The following LRBA variants were observed in gnomAD, a reference collection of about 807,000 sequenced individuals.
LRBA encodes LPS responsive beige-like anchor protein.
LRBA carries 176 observed loss-of-function variants against 330.0 expected under a neutral mutation model. That is an observed-to-expected ratio of 0.53 (90% confidence interval 0.47 to 0.60). The LOEUF (loss-of-function observed/expected upper bound fraction) is 0.60, where lower values mean the gene tolerates loss of function less well. LRBA is among the 20% of genes least tolerant of loss of function. The probability of loss-of-function intolerance (pLI) is 0.00; values close to 1 mark genes in which losing one functional copy is unlikely to be tolerated. For synonymous variants in LRBA, 1,230 were observed against 1,193.0 expected, an observed-to-expected ratio of 1.03 and a Z score of -0.64; for missense variants, 3,259 against 3,444.8, an observed-to-expected ratio of 0.95 and a Z score of 1.35.
intron 40 of LRBA, among the ~76,000 whole-genome samples, chr4:150,547,250 T>G (rs1170787428): frequency 6.6e-6 from 1 of 152,124 alleles, no homozygotes. Context: ...ACAGATTAAC[T>G]TTTCCATCCC....
At chr4:150,354,302 T>A (rs562157355) in intron 47 of LRBA, among the ~76,000 whole-genome samples, 82 of 152,176 alleles carry the variant, frequency 5.4e-4, no homozygotes, top group African/African-American at 2.0e-3. Flanking sequence ...TACAAAAAAA[T>A]GAAAAATGCC....
At chr4:150,391,004 C>T (rs1188512291) in intron 47 of LRBA, among the ~76,000 whole-genome samples, 4 of 152,130 alleles carry the variant, frequency 2.6e-5, no homozygotes, top group East Asian at 3.8e-4. Flanking sequence ...TTTTAGGAAG[C>T]CCAGCTTGAT....
At chr4:150,533,676 G>A (rs565476027) in intron 40 of LRBA, among the ~76,000 whole-genome samples, 4 of 152,200 alleles carry the variant, frequency 2.6e-5, no homozygotes, top group Admixed American at 2.6e-4. Context: ...ACGTTGTTGA[G>A]CTTTTTCAAC....
chr4:150,264,998 A>G lies in LRBA; in HGVS notation c.*724T>C, dbSNP rs1223816972. On this transcript the variant is annotated 3_prime_UTR_variant, in exon 57 of 57. Coordinates refer to ENST00000651943, the MANE Select transcript of LRBA (RefSeq NM_001364905.1). ...TTGGTACTTGCATTTACTTTAAAAGAAAAACAAATGTTGTGAGCTCAAGAG... is the reference window on the plus strand; with the variant it reads ...TTGGTACTTGCATTTACTTTAAAAGGAAAACAAATGTTGTGAGCTCAAGAG... The G allele has an allele frequency of 6.5e-6, 1 of 152,686 alleles. No individual in the cohort carries two copies. The highest frequency in any genetic ancestry group is 2.4e-5 in the African/African-American group (1 of 41,464). The allele number at this position is 152,686 out of a possible 1,614,324, so 9.5% of individuals were successfully genotyped here.
intron 37 of LRBA, among the ~76,000 whole-genome samples, chr4:150,642,283 A>T (rs1407900897): frequency 6.6e-6 from 1 of 151,930 alleles, no homozygotes; most frequent in African/African-American, 2.4e-5. Context: ...TTTCTTATGC[A>T]CAAAAAATAG....
rs528504144 is a variant in LRBA, at chr4:150,983,091, C to G, written c.216+31336G>C. 3.3e-5 allele frequency among the ~76,000 whole-genome samples: 5 copies of G among 151,760 alleles called. No homozygotes were observed. In the South Asian group the frequency reaches 1.0e-3, roughly 32 times the overall value. ...CAAGACCCTGTCTCAAAGAAAAAAA[C>G]AAAAAGAAAAAGAAAAAACAACATT... On this transcript the variant is annotated intron_variant, in intron 2 of 56. Transcript: ENST00000651943.
intron 36 of LRBA, among the ~76,000 whole-genome samples, chr4:150,687,855 A>T (rs1274474044): frequency 1.3e-5 from 2 of 152,192 alleles, no homozygotes; most frequent in East Asian, 3.8e-4. Context: ...AAGAATCAAT[A>T]TCATGAAAAT....
chr4:150,866,340 T>C (rs1440056699), intron 22 of LRBA, among the ~76,000 whole-genome samples: 1 of 152,190 alleles, frequency 6.6e-6, no homozygotes, highest in Non-Finnish European at 1.5e-5. Flanking sequence ...TGGCAGAAGA[T>C]GTTCATAAAC....
chr4:150,283,543 T>C (rs933307717), intron 54 of LRBA, among the ~76,000 whole-genome samples: 1 of 152,196 alleles, frequency 6.6e-6, no homozygotes, highest in Non-Finnish European at 1.5e-5. Flanking sequence ...CATGGAATCG[T>C]TGCCTTTTCC....
intron 47 of LRBA, among the ~76,000 whole-genome samples, chr4:150,391,958 ACT>A (rs1478184102): frequency 6.6e-5 from 8 of 121,456 alleles, no homozygotes; most frequent in African/African-American, 1.2e-4. Context: ...TCTGATTGAT[ACT>A]CTGTTACTCT....
At chr4:150,278,114 G>A in intron 55 of LRBA, 110 bp from the exon 56 acceptor site, 1 of 888,540 alleles carries the variant, frequency 1.1e-6, no homozygotes, top group Non-Finnish European at 1.7e-6. Flanking sequence ...AGAGAAGAGA[G>A]AGAGATCCTC....
At chr4:150,870,749 C>T (rs556575651) in intron 19 of LRBA, 143 bp from the exon 20 acceptor site, 59 of 509,794 alleles carry the variant, frequency 1.2e-4, no homozygotes, top group African/African-American at 1.0e-3. Flanking sequence ...TATTGTCATG[C>T]TAAATAATAT....
chr4:150,868,075 A>T lies in LRBA; in HGVS notation c.2573+107T>A, dbSNP rs1752957785. 5 of 1,213,656 alleles carry T rather than the reference A, an allele frequency of 4.1e-6. No homozygotes were observed. The Admixed American group carries it at 1.2e-4, about 29-fold the overall frequency. 75.2% of individuals were successfully genotyped at this position (1,213,656 alleles called of 1,614,324 possible). On this transcript the variant is annotated intron_variant, in intron 21 of 56. Coordinates refer to ENST00000651943, the MANE Select transcript of LRBA (RefSeq NM_001364905.1). The stretch of plus-strand genomic sequence containing the variant: ...TTTACATACTCTTAATAAAAAAAAT[A>T]GAAAAATCATTTCACAGTATTTTTA...
chr4:150,791,499 G>T (rs1454108311), intron 34 of LRBA, among the ~76,000 whole-genome samples: 1 of 152,092 alleles, frequency 6.6e-6, no homozygotes, highest in Admixed American at 6.6e-5. Context: ...AAAAGCATAC[G>T]ACACATGTTT....
chr4:150,916,405 T>G lies in LRBA; in HGVS notation c.890A>C (p.Gln297Pro). Reference sequence around the variant, plus strand: ...TGACTCAAGAAGATCATGTACCTTTTGTGGCTTGAAATCAAATTTCACACA... The same window carrying G: ...TGACTCAAGAAGATCATGTACCTTTGGTGGCTTGAAATCAAATTTCACACA... The part of the protein sequence containing the change: ...QHCVKFDFKP[Q>P]KWYMVTIVHI... The change falls in exon 7 of 57, where the codon CAA (glutamine) becomes CCA (proline). Residue 297 changes from glutamine (Q) to proline (P), a missense_variant. Physicochemically the swap from Gln to Pro is moderately conservative, Grantham distance 76. Coordinates refer to ENST00000651943, the MANE Select transcript of LRBA (RefSeq NM_001364905.1). 1 of 1,613,018 alleles carries G rather than the reference T, an allele frequency of 6.2e-7. No homozygotes were observed. The highest frequency in any genetic ancestry group is 8.5e-7 in the Non-Finnish European group (1 of 1,179,636).
chr4:150,944,871 G>A (rs1296123311), intron 2 of LRBA, among the ~76,000 whole-genome samples: 1 of 152,182 alleles, frequency 6.6e-6, no homozygotes, highest in African/African-American at 2.4e-5. Flanking sequence ...GGGGTGGGGG[G>A]TTCTCATGAT....
chr4:150,365,948 G>A (rs1034081769), intron 47 of LRBA, among the ~76,000 whole-genome samples: 6 of 151,762 alleles, frequency 4.0e-5, no homozygotes, highest in Admixed American at 3.3e-4. Flanking sequence ...CTACCCGATT[G>A]GTTCTACGTT....
chr4:150,768,205 C>T (rs1736048928), intron 34 of LRBA, among the ~76,000 whole-genome samples: 1 of 150,432 alleles, frequency 6.6e-6, no homozygotes, highest in South Asian at 2.1e-4. Context: ...AACCTGGAAA[C>T]ACATGAGTTA....
Position 150,560,095 on chromosome 4 carries a change from C to T in LRBA, c.6330+27953G>A, listed in dbSNP as rs547139360. On this transcript the variant is annotated intron_variant, in intron 40 of 56. Coordinates refer to ENST00000651943, the MANE Select transcript of LRBA (RefSeq NM_001364905.1). ...TATTATAGTTATATAAATAAGATAA[C>T]ATTCTTATTCTTAGGAAATACACAC... Among the ~76,000 whole-genome samples, 14 of 148,624 alleles carry T rather than the reference C, an allele frequency of 9.4e-5. No homozygotes were observed. In the South Asian group the frequency reaches 2.5e-3, roughly 27 times the overall value.
Sources: allele counts gnomAD v4.1 joint callset (sites outside exome capture counted in the v4.1 genomes callset), GRCh38; gene constraint gnomAD v4.1.1; transcripts MANE v1.5; gene names NCBI Gene and HGNC (gene_info 2026-07-23, HGNC 2026-07-21).